CNTN4: variants seen among roughly 807,000 people sequenced by gnomAD.
CNTN4 encodes contactin-4.
CNTN4 carries 77 observed loss-of-function variants against 122.5 expected under a neutral mutation model. The ratio of observed to expected loss-of-function variants is 0.63; its 90% CI spans 0.52 to 0.76. CNTN4 has a LOEUF of 0.76. Among genes scored for constraint, CNTN4 ranks in the 30% least tolerant of loss-of-function variants. The pLI is 0.00. For missense variants in CNTN4, 1,256 were observed against 1,259.1 expected (o/e 1.00, Z 0.04); for synonymous variants, 512 against 447.0 (o/e 1.15, Z -1.83).
chr3:2,412,897 A>C (rs1208541950), intron 3 of CNTN4, among the ~76,000 whole-genome samples: 1 of 152,244 alleles, frequency 6.6e-6, no homozygotes, highest in Non-Finnish European at 1.5e-5. Context: ...TTTAAAAAAT[A>C]AAAAAGGATA....
chr3:2,430,839 C>A (rs1364775186), intron 3 of CNTN4, among the ~76,000 whole-genome samples: 3 of 152,100 alleles, frequency 2.0e-5, no homozygotes, highest in Admixed American at 6.5e-5. Flanking sequence ...CACAAGATAG[C>A]TCAAGAAGAC....
At chr3:2,590,289 C>T (rs1190467762) in intron 4 of CNTN4, among the ~76,000 whole-genome samples, 1 of 152,182 alleles carries the variant, frequency 6.6e-6, no homozygotes, top group Non-Finnish European at 1.5e-5. Flanking sequence ...CAGGGTCTCG[C>T]TCTGTCGCCC....
At chr3:2,205,957 A>G (rs1313101466) in intron 2 of CNTN4, among the ~76,000 whole-genome samples, 2 of 152,126 alleles carry the variant, frequency 1.3e-5, no homozygotes, top group African/African-American at 2.4e-5. Context: ...GCATTTTATT[A>G]CTTTGCATTT....
intron 2 of CNTN4, among the ~76,000 whole-genome samples, chr3:2,181,657 A>G (rs2037021815): frequency 1.3e-5 from 2 of 152,094 alleles, no homozygotes; most frequent in South Asian, 4.1e-4. Context: ...GTTAGTGTTA[A>G]AAAAAGCCAA....
intron 2 of CNTN4, among the ~76,000 whole-genome samples, chr3:2,267,222 C>T (rs1364361255): frequency 3.9e-5 from 6 of 152,044 alleles, no homozygotes; most frequent in Non-Finnish European, 8.8e-5. Context: ...GATGATACTG[C>T]TTTTTACTCA....
At chr3:2,878,445 T>G (rs2150945564) in intron 8 of CNTN4, among the ~76,000 whole-genome samples, 1 of 152,252 alleles carries the variant, frequency 6.6e-6, no homozygotes, top group Non-Finnish European at 1.5e-5. Flanking sequence ...CCCATCACAT[T>G]TTTTCCCATA....
intron 3 of CNTN4, among the ~76,000 whole-genome samples, chr3:2,442,023 C>G (rs1238744372): frequency 1.3e-5 from 2 of 151,952 alleles, no homozygotes; most frequent in African/African-American, 2.4e-5. Flanking sequence ...TATTCTATAA[C>G]TAGTATTTAA....
chr3:2,122,746 G>A (rs1427786453), intron 2 of CNTN4, among the ~76,000 whole-genome samples: 1 of 152,162 alleles, frequency 6.6e-6, no homozygotes, highest in Non-Finnish European at 1.5e-5. Context: ...TAATGTTTGA[G>A]TTGATGCAGT....
chr3:3,044,011 C>T (rs184441607), intron 23 of CNTN4, among the ~76,000 whole-genome samples: 1 of 152,232 alleles, frequency 6.6e-6, no homozygotes, highest in East Asian at 1.9e-4. Context: ...CTGTCAGCTT[C>T]GTTTTGCTCC....
intron 6 of CNTN4, among the ~76,000 whole-genome samples, chr3:2,780,741 C>T (rs944100496): frequency 1.5e-4 from 23 of 152,172 alleles, no homozygotes; most frequent in African/African-American, 4.8e-4. Context: ...TAAAATTCCA[C>T]GCCCGTATGG....
rs373660054 is a variant in CNTN4 at position 2,988,413 on chromosome 3, C to T, written c.1427C>T (p.Thr476Ile). The change falls in exon 14 of 25, where the codon ACC becomes ATC. Residue 476 changes from threonine (T) to isoleucine (I), a missense_variant. Coordinates refer to ENST00000418658, the MANE Select transcript of CNTN4 (RefSeq NM_175607.3). ...ACTAAATCAGACGCTGGGAGTTATA[C>T]CTGTATAGCCACTAACCATTTTGGA... ...NVTKSDAGSYTCIATNHFGTA... is the reference protein window; with the variant it reads ...NVTKSDAGSYICIATNHFGTA... 27 of 1,613,508 alleles carry T rather than the reference C, an allele frequency of 1.7e-5. No individual in the cohort carries two copies. The highest frequency in any genetic ancestry group is 2.2e-5 in the Non-Finnish European group (26 of 1,179,652).
intron 3 of CNTN4, among the ~76,000 whole-genome samples, chr3:2,417,771 A>G (rs999745046): frequency 1.4e-4 from 21 of 152,240 alleles, no homozygotes; most frequent in African/African-American, 5.1e-4. Context: ...AAACTGTGGT[A>G]CACCTAGAGA....
intron 2 of CNTN4, among the ~76,000 whole-genome samples, chr3:2,312,044 C>CT (rs762329352): frequency 5.3e-5 from 8 of 151,420 alleles, no homozygotes; most frequent in South Asian, 2.1e-4. Flanking sequence ...TACGATAAAA[C>CT]TTTTTTTTAA....
intron 4 of CNTN4, among the ~76,000 whole-genome samples, chr3:2,577,230 T>G (rs1325034704): frequency 6.6e-6 from 1 of 152,164 alleles, no homozygotes; most frequent in Admixed American, 6.5e-5. Context: ...CCAAACCAGC[T>G]AATAGCAGAG....
At chr3:2,719,176 C>T (rs781395695) in intron 4 of CNTN4, among the ~76,000 whole-genome samples, 11 of 152,050 alleles carry the variant, frequency 7.2e-5, no homozygotes, top group South Asian at 2.1e-4. Context: ...ATGTGAAACA[C>T]GGTACGTACT....
chr3:2,804,627 G>A (rs945329333), intron 6 of CNTN4, among the ~76,000 whole-genome samples: 1 of 152,078 alleles, frequency 6.6e-6, no homozygotes, highest in African/African-American at 2.4e-5. Context: ...ATACAACTAA[G>A]CAAGGAAGGT....
chr3:3,034,830 C>G, intron 17 of CNTN4, 40 bp downstream of exon 17: 2 of 1,604,998 alleles, frequency 1.2e-6, no homozygotes, highest in Non-Finnish European at 1.7e-6. Flanking sequence ...ATTGGGAACT[C>G]AGCATACTGG....
intron 12 of CNTN4, among the ~76,000 whole-genome samples, chr3:2,913,441 C>T (rs550593583): frequency 8.5e-5 from 13 of 152,160 alleles, no homozygotes; most frequent in South Asian, 6.2e-4. Flanking sequence ...TAGGGTTACA[C>T]GCAAGCTGAA....
intron 4 of CNTN4, among the ~76,000 whole-genome samples, chr3:2,588,475 T>A (rs1158881915): frequency 6.6e-6 from 1 of 152,032 alleles, no homozygotes; most frequent in Non-Finnish European, 1.5e-5. Context: ...CAAGCTATTC[T>A]CCTGCCTCAG....
Sources: allele counts gnomAD v4.1 joint callset (sites outside exome capture counted in the v4.1 genomes callset), GRCh38; gene constraint gnomAD v4.1.1; transcripts MANE v1.5; gene names NCBI Gene and HGNC (gene_info 2026-07-23, HGNC 2026-07-21).